Variants in DUSP13B observed in about 807,000 individuals in gnomAD.
The protein encoded by DUSP13B is dual specificity protein phosphatase 13B.
the DUSP13B span, chr10:75,098,887 C>T: frequency 1.0e-6 from 1 of 994,892 alleles, no homozygotes; most frequent in Non-Finnish European, 1.3e-6. Context: ...AGTAGCAAGG[C>T]TGGGGTTTTA....
At chr10:75,099,914 G>A in the DUSP13B span, among the ~76,000 whole-genome samples, 1 of 152,154 alleles carries the variant, frequency 6.6e-6, no homozygotes, top group Non-Finnish European at 1.5e-5. Context: ...AGAGAGGAGT[G>A]TCTGGATATG....
At chr10:75,094,638 G>A in the DUSP13B span, 4 of 1,606,974 alleles carry the variant, frequency 2.5e-6, no homozygotes, top group Admixed American at 5.0e-5. Context: ...GGCTGGTGGG[G>A]TTGGGCCAAG....
the DUSP13B span, among the ~76,000 whole-genome samples, chr10:75,100,346 G>C: frequency 6.6e-6 from 1 of 152,134 alleles, no homozygotes; most frequent in Non-Finnish European, 1.5e-5. Flanking sequence ...CCGATGCTCA[G>C]GGTGTTGCCC....
chr10:75,108,780 T>C, the DUSP13B span, among the ~76,000 whole-genome samples: 1 of 152,164 alleles, frequency 6.6e-6, no homozygotes, highest in Admixed American at 6.5e-5. Context: ...CTGGAACTCC[T>C]GGGAGACTCC....
the DUSP13B span, among the ~76,000 whole-genome samples, chr10:75,095,171 C>T: frequency 6.6e-6 from 1 of 152,186 alleles, no homozygotes; most frequent in Non-Finnish European, 1.5e-5. Context: ...TTCCTGAGGT[C>T]ACTGGGTTTG....
chr10:75,106,034 T>C, the DUSP13B span, among the ~76,000 whole-genome samples: 1 of 152,036 alleles, frequency 6.6e-6, no homozygotes, highest in Non-Finnish European at 1.5e-5. Flanking sequence ...GTAAAATGGG[T>C]AGATCAACAC....
At chr10:75,098,123 C>T in the DUSP13B span, among the ~76,000 whole-genome samples, 1 of 152,242 alleles carries the variant, frequency 6.6e-6, no homozygotes, top group Non-Finnish European at 1.5e-5. Context: ...CTCTCTCCTG[C>T]CCTCTGCTGA....
the DUSP13B span, chr10:75,108,372 AGCCCC>A: frequency 1.5e-6 from 2 of 1,323,020 alleles, no homozygotes; most frequent in Non-Finnish European, 2.0e-6. Context: ...CTATACCCAG[AGCCCC>A]GCACTTTCTG....
At chr10:75,097,628 G>T in the DUSP13B span, 2 of 1,358,276 alleles carry the variant, frequency 1.5e-6, no homozygotes, top group African/African-American at 1.5e-5. Flanking sequence ...GCCCTAGAGG[G>T]CTCTGAGAGA....
the DUSP13B span, among the ~76,000 whole-genome samples, chr10:75,100,516 G>C: frequency 6.6e-6 from 1 of 152,170 alleles, no homozygotes; most frequent in Non-Finnish European, 1.5e-5. Flanking sequence ...CTGAGACTTG[G>C]TCTTCGGAGG....
chr10:75,095,754 ATTCCCAGCTGGATCAGC>A, the DUSP13B span: 2 of 1,614,074 alleles, frequency 1.2e-6, no homozygotes, highest in Non-Finnish European at 1.7e-6. Flanking sequence ...AACGTGGGTG[ATTCCCAGCTGGATCAGC>A]TTGCTCTTGT....
chr10:75,095,072 G>A, the DUSP13B span, among the ~76,000 whole-genome samples: 8 of 152,312 alleles, frequency 5.3e-5, no homozygotes, highest in Middle Eastern at 3.4e-3. Flanking sequence ...GCAGGGTTTA[G>A]GTTAGCAGCC....
chr10:75,108,989 C>A, the DUSP13B span: 1 of 1,589,482 alleles, frequency 6.3e-7, no homozygotes, highest in Non-Finnish European at 8.6e-7. Context: ...CCCCATGCCC[C>A]TTGGCCAGCT....
the DUSP13B span, chr10:75,099,684 G>A: frequency 1.7e-5 from 9 of 534,082 alleles, no homozygotes; most frequent in Admixed American, 2.3e-4. Flanking sequence ...ATTGAAGACC[G>A]TTGGTTCCAT....
chr10:75,097,242 C>T, the DUSP13B span, among the ~76,000 whole-genome samples: 8 of 151,622 alleles, frequency 5.3e-5, no homozygotes, highest in Admixed American at 2.6e-4. Flanking sequence ...GAGTTTCGCT[C>T]TTATTGTCCA....
the DUSP13B span, among the ~76,000 whole-genome samples, chr10:75,097,393 A>G: frequency 9.2e-5 from 14 of 152,240 alleles, no homozygotes; most frequent in African/African-American, 3.4e-4. Flanking sequence ...TATTTTTAGT[A>G]GAGATGAGGT....
At chr10:75,108,943 G>A in the DUSP13B span, 1 of 1,535,246 alleles carries the variant, frequency 6.5e-7, no homozygotes, top group Non-Finnish European at 8.8e-7. Context: ...CCTGTGTCTG[G>A]TAAAGCGACC....
chr10:75,105,814 A>C, the DUSP13B span: 1 of 1,551,012 alleles, frequency 6.4e-7, no homozygotes, highest in Non-Finnish European at 8.7e-7. Context: ...GAGGTAGGCC[A>C]GGACCAGCGT....
chr10:75,108,628 G>T, the DUSP13B span, among the ~76,000 whole-genome samples: 5 of 152,072 alleles, frequency 3.3e-5, no homozygotes, highest in Non-Finnish European at 5.9e-5. Context: ...TTCACCTTCA[G>T]TCAGGCTTCT....
Sources: gnomAD v4.1 joint callset for allele counts (sites outside exome capture counted in the v4.1 genomes callset) on GRCh38, gnomAD v4.1.1 for gene constraint, MANE v1.5 for transcripts, NCBI Gene and HGNC (gene_info 2026-07-23, HGNC 2026-07-21) for gene names.